Variants in CAMK2B observed in about 807,000 individuals in gnomAD.
CAMK2B encodes calcium/calmodulin dependent protein kinase II beta, also known as calcium/calmodulin-dependent protein kinase type II subunit beta.
Under a neutral mutation model 93.7 loss-of-function variants are expected in CAMK2B, and 27 were observed. The observed-to-expected ratio is 0.29, with a 90% confidence interval of 0.21 to 0.40. The LOEUF is 0.40. CAMK2B is among the 10% of genes least tolerant of loss of function. CAMK2B has a pLI of 1.00. For synonymous variants in CAMK2B, 374 were observed against 358.8 expected (o/e 1.04, Z -0.48); for missense variants, 568 against 895.8 (o/e 0.63, Z 4.67).
At chr7:44,228,181 C>T (rs546660302) in intron 19 of CAMK2B, among the ~76,000 whole-genome samples, 32 of 151,920 alleles carry the variant, frequency 2.1e-4, no homozygotes, top group Non-Finnish European at 3.8e-4. Flanking sequence ...GAGGGAGTCA[C>T]GGGCGTTACA....
intron 17 of CAMK2B, 187 bp from the exon 18 acceptor site, chr7:44,229,688 T>G: frequency 2.1e-6 from 1 of 475,676 alleles, no homozygotes; most frequent in East Asian, 3.5e-5. Flanking sequence ...AGCAGGTATG[T>G]GAAGGCTGAA....
intron 4 of CAMK2B, among the ~76,000 whole-genome samples, chr7:44,255,945 C>T (rs2096829803): frequency 6.6e-6 from 1 of 152,216 alleles, no homozygotes; most frequent in East Asian, 1.9e-4. Context: ...GTCCCTGGCA[C>T]CTAGCAGGGC....
intron 1 of CAMK2B, among the ~76,000 whole-genome samples, chr7:44,301,465 G>A (rs950147383): frequency 2.6e-5 from 4 of 152,180 alleles, no homozygotes; most frequent in African/African-American, 9.7e-5. Flanking sequence ...AAAATTTATA[G>A]CATCAAGTGC....
At position 44,286,950 on chromosome 7, in the gene CAMK2B, AAGGGACCAGGGGTGC is replaced by A. The variant is rs958592864; in HGVS notation, c.66-2740_66-2726del. On this transcript the variant is annotated intron_variant, in intron 1 of 23. Transcript: ENST00000395749. This position sits in a 1 kb window ranked among gnomAD's most constrained non-coding sequence, Gnocchi z 4.0. ...AGGCACCCAGCAGACACTCAGCAGG[AAGGGACCAGGGGTGC>A]AGGGACCAGGGGTGCAGGGCCCGGG... Among the ~76,000 whole-genome samples, 22 of 152,216 alleles carry A rather than the reference AAGGGACCAGGGGTGC, an allele frequency of 1.4e-4. No homozygotes were observed. Among genetic ancestry groups the A allele is most frequent in the Non-Finnish European group, 2.2e-4 (15 of 67,984 alleles).
chr7:44,246,663 C>CT (rs1437856410), intron 6 of CAMK2B, among the ~76,000 whole-genome samples: 1 of 152,088 alleles, frequency 6.6e-6, no homozygotes, highest in African/African-American at 2.4e-5. Flanking sequence ...ACTCACACCT[C>CT]TAAGTGTGCA....
At chr7:44,320,070 T>C (rs1358838886) in intron 1 of CAMK2B, among the ~76,000 whole-genome samples, 1 of 152,184 alleles carries the variant, frequency 6.6e-6, no homozygotes, top group Non-Finnish European at 1.5e-5. Context: ...TCTGTATTAC[T>C]TGGTGTGTGT....
chr7:44,291,252 GTGTT>G (rs2129140264), intron 1 of CAMK2B, among the ~76,000 whole-genome samples: 1 of 152,284 alleles, frequency 6.6e-6, no homozygotes, highest in South Asian at 2.1e-4. Flanking sequence ...AGGGGGGAGA[GTGTT>G]TGGGCTCCTG....
rs1433901036 is a variant in CAMK2B at position 44,228,994 on chromosome 7, G to C, written c.1340-70C>G. 4 of 1,463,532 alleles carry C rather than the reference G, an allele frequency of 2.7e-6. No homozygotes were observed. The African/African-American group carries it at 5.6e-5, about 20-fold the overall frequency. 90.7% of individuals were successfully genotyped at this position (1,463,532 alleles called of 1,614,324 possible). ...ACGAGGCGGCGGCAAGGCGGAGGAG[G>C]CCAGTGGGAGGGGTCCCGTGTTCTA... On this transcript the variant is annotated intron_variant, in intron 18 of 23. Coordinates refer to ENST00000395749, the MANE Select transcript of CAMK2B (RefSeq NM_001220.5).
At chr7:44,325,282 C>G (rs1359410355) in intron 1 of CAMK2B, 75 bp downstream of exon 1, 32 of 856,562 alleles carry the variant, frequency 3.7e-5, no homozygotes, top group African/African-American at 7.4e-5. Context: ...CGCCTGGAGC[C>G]GGCGGCGCGG....
At chr7:44,262,369 C>T (rs1430799239) in intron 3 of CAMK2B, among the ~76,000 whole-genome samples, 1 of 152,246 alleles carries the variant, frequency 6.6e-6, no homozygotes, top group Non-Finnish European at 1.5e-5. Flanking sequence ...GCCTGGGCTC[C>T]AGGCTCCAGA....
At chr7:44,276,948 G>A (rs1487788681) in intron 2 of CAMK2B, among the ~76,000 whole-genome samples, 2 of 152,214 alleles carry the variant, frequency 1.3e-5, no homozygotes, top group African/African-American at 4.8e-5. Context: ...ATGAGACAGC[G>A]TCGATGATGC....
intron 2 of CAMK2B, among the ~76,000 whole-genome samples, chr7:44,281,464 C>G (rs943502320): frequency 1.3e-5 from 2 of 152,170 alleles, no homozygotes; most frequent in African/African-American, 4.8e-5. Flanking sequence ...CACACTGACC[C>G]ACGACTCCCA....
At position 44,248,435 on chromosome 7, in the gene CAMK2B, C is replaced by T. The variant is rs2096751214; in HGVS notation, c.342-1243G>A. Among the ~76,000 whole-genome samples the T allele has an allele frequency of 6.6e-6, 1 of 152,168 alleles. No homozygotes were observed. The highest frequency in any genetic ancestry group is 6.5e-5 in the Admixed American group (1 of 15,288). On this transcript the variant is annotated intron_variant, in intron 5 of 23. Coordinates refer to ENST00000395749, the MANE Select transcript of CAMK2B (RefSeq NM_001220.5). This position sits in a 1 kb window ranked among gnomAD's most constrained non-coding sequence, Gnocchi z 4.1. ...AACACAAGCCCTTCCCCAGGGACAG[C>T]TCCACAATGCAGGGTGATAGCAGCC...
chr7:44,302,686 A>T (rs1399237006), intron 1 of CAMK2B, among the ~76,000 whole-genome samples: 1 of 152,208 alleles, frequency 6.6e-6, no homozygotes, highest in Non-Finnish European at 1.5e-5. Flanking sequence ...CAAAAAAAGA[A>T]TCTGACAAAA....
intron 5 of CAMK2B, among the ~76,000 whole-genome samples, chr7:44,249,370 A>G (rs922967043): frequency 2.0e-5 from 3 of 152,076 alleles, no homozygotes; most frequent in African/African-American, 7.2e-5. Flanking sequence ...AGCCATCCAG[A>G]TGGGTCCAGA....
At chr7:44,227,902 G>A (rs1253286728) in intron 19 of CAMK2B, among the ~76,000 whole-genome samples, 4 of 136,442 alleles carry the variant, frequency 2.9e-5, no homozygotes, top group Non-Finnish European at 6.4e-5. Context: ...GGGATAGAGC[G>A]TGGACTTAGG....
chr7:44,299,338 A>C (rs1429648251), intron 1 of CAMK2B, among the ~76,000 whole-genome samples: 1 of 152,216 alleles, frequency 6.6e-6, no homozygotes, highest in Non-Finnish European at 1.5e-5. Context: ...AGAATAGACA[A>C]ATTCATAGAG....
At chr7:44,228,964 G>T in intron 18 of CAMK2B, 40 bp from the exon 19 acceptor site, 1 of 1,600,572 alleles carries the variant, frequency 6.2e-7, no homozygotes, top group Non-Finnish European at 8.5e-7. Flanking sequence ...GAGGCAGACA[G>T]ACACACGAGG....
At chr7:44,231,630 A>T (rs2096580313) in intron 16 of CAMK2B, among the ~76,000 whole-genome samples, 1 of 152,250 alleles carries the variant, frequency 6.6e-6, no homozygotes, top group African/African-American at 2.4e-5. Context: ...ACAGGGCTCC[A>T]GGAACCTTGG....
Sources: gnomAD v4.1 joint callset for allele counts (sites outside exome capture counted in the v4.1 genomes callset) on GRCh38, gnomAD v4.1.1 for gene constraint, Gnocchi (gnomAD v3.1) non-coding constraint, MANE v1.5 for transcripts, NCBI Gene and HGNC (gene_info 2026-07-23, HGNC 2026-07-21) for gene names.